Variants in DHX33 observed in about 807,000 individuals in gnomAD.
DHX33 encodes the protein DEAH-box helicase 33, also known as ATP-dependent RNA helicase DHX33.
DHX33 carries 42 observed loss-of-function variants against 72.5 expected under a neutral mutation model. The ratio of observed to expected loss-of-function variants is 0.58; its 90% confidence interval spans 0.45 to 0.75. The LOEUF (loss-of-function observed/expected upper bound fraction) is 0.75, where lower values mean the gene tolerates loss of function less well. Ranked by LOEUF, DHX33 falls within the 30% of genes least tolerant of loss-of-function variation. The pLI, the probability that DHX33 is intolerant of heterozygous loss-of-function variation, is 0.00. For missense variants in DHX33, 842 were observed against 917.5 expected (o/e 0.92, Z 1.06); for synonymous variants, 358 against 366.1 (o/e 0.98, Z 0.25).
chr17:5,458,654 A>G lies in DHX33; in HGVS notation c.849+2285T>C, dbSNP rs566745554. Among the ~76,000 whole-genome samples, 28 of 152,300 alleles carry G rather than the reference A, an allele frequency of 1.8e-4. No homozygotes were observed. In the East Asian group the frequency reaches 1.9e-3, roughly 11 times the overall value. On this transcript the variant is annotated intron_variant, in intron 4 of 11. Coordinates refer to ENST00000225296, the MANE Select transcript of DHX33 (RefSeq NM_020162.4). ...GAGATAAAGGGGGTTGGGGAGGGGC[A>G]TTCTAAACTTTTGTCACCATGGTAA...
At position 5,468,806 on chromosome 17, in the gene DHX33, T is replaced by C; in HGVS notation, c.54A>G (p.Gly18=). The C allele has an allele frequency of 6.3e-7, 1 of 1,592,664 alleles. No homozygotes were observed. Residue 18 remains glycine, a synonymous_variant, in exon 1 of 12, where the codon GGA becomes GGG. Transcript: ENST00000225296. ...PPAKRFRPGS[G]PPSRAGSFPP... is the part of the protein sequence containing the mutation. ...GGAAGGACCCAGCGCGGCTCGGAGG[T>C]CCAGAGCCTGGCCGGAATCTCTTGG...
chr17:5,462,556 G>A lies in DHX33; in HGVS notation c.451-10C>T. ...GCACTGTATAGCCAACCTGTGCAGG[G>A]AAACAATTTATTCAGTCACCAAACA... On this transcript the variant is annotated splice_polypyrimidine_tract_variant and intron_variant, in intron 2 of 11. Transcript: ENST00000225296. 1 of 1,604,774 alleles carries A rather than the reference G, an allele frequency of 6.2e-7. No individual in the cohort carries two copies. The highest frequency in any genetic ancestry group is 8.5e-7 in the Non-Finnish European group (1 of 1,172,150).
chr17:5,455,070 A>G lies in DHX33; in HGVS notation c.1147+90T>C, dbSNP rs1232293193. 4 of 1,200,722 alleles carry G rather than the reference A, an allele frequency of 3.3e-6. No individual in the cohort carries two copies. In the Admixed American group the frequency reaches 5.5e-5, roughly 16 times the overall value. 74.4% of individuals were successfully genotyped at this position (1,200,722 alleles called of 1,614,324 possible). A position where few individuals can be genotyped will look rare whatever the true frequency, so the allele number is the denominator to read the frequency against. On this transcript the variant is annotated intron_variant, in intron 6 of 11. Transcript: ENST00000225296. Reference sequence around the variant, plus strand: ...CCACCTGAATTTGTTAGTTACAAACATGAAACACTCAGGGGAAAACTGTGG... The same window carrying G: ...CCACCTGAATTTGTTAGTTACAAACGTGAAACACTCAGGGGAAAACTGTGG...
intron 2 of DHX33, 71 bp from the exon 3 acceptor site, chr17:5,462,617 G>A (rs1904693228): frequency 1.7e-6 from 2 of 1,156,118 alleles, no homozygotes; most frequent in South Asian, 2.6e-5. Context: ...CACTAAGTTG[G>A]GCACTTGCAC....
chr17:5,450,802 T>C lies in DHX33; in HGVS notation c.1524+5A>G. The C allele has an allele frequency of 6.2e-7, 1 of 1,614,190 alleles. No homozygotes were observed. The highest frequency in any genetic ancestry group is 2.2e-5 in the East Asian group (1 of 44,878). On this transcript the variant is annotated splice_donor_5th_base_variant and intron_variant, in intron 9 of 11. Transcript: ENST00000225296. ...AAAGAGGACTGAGGAGAGGGTATCATTTACTTTGGCAAATTTGGGTTCTAA... is the reference window on the plus strand; with the variant it reads ...AAAGAGGACTGAGGAGAGGGTATCACTTACTTTGGCAAATTTGGGTTCTAA...
At chr17:5,457,136 G>C (rs926240683) in intron 4 of DHX33, among the ~76,000 whole-genome samples, 2 of 152,072 alleles carry the variant, frequency 1.3e-5, no homozygotes, top group Non-Finnish European at 2.9e-5. Context: ...GTGAAACCCT[G>C]TCTCTACTAA....
At chr17:5,455,039 C>T (rs989115600) in intron 6 of DHX33, 121 bp downstream of exon 6, 9 of 870,698 alleles carry the variant, frequency 1.0e-5, no homozygotes, top group Admixed American at 2.0e-5. Flanking sequence ...TCACTCATGG[C>T]GCCTGCCACC....
chr17:5,448,946 G>A (rs758675415), intron 10 of DHX33, 51 bp from the exon 11 acceptor site: 1 of 1,454,490 alleles, frequency 6.9e-7, no homozygotes, highest in Non-Finnish European at 9.6e-7. Flanking sequence ...CCATTTATAT[G>A]TTCACAGAGA....
chr17:5,451,667 T>C (rs1916919960), intron 8 of DHX33, among the ~76,000 whole-genome samples: 1 of 152,156 alleles, frequency 6.6e-6, no homozygotes, highest in Non-Finnish European at 1.5e-5. Context: ...TTTTAAACTT[T>C]GAACCATGTA....
intron 4 of DHX33, among the ~76,000 whole-genome samples, chr17:5,460,101 GC>G (rs998827178): frequency 4.8e-4 from 72 of 149,330 alleles, no homozygotes; most frequent in African/African-American, 1.8e-3. Context: ...TGCAAGCTCT[GC>G]CACCTGGGTT....
rs780800766 is a variant in DHX33 at position 5,444,316 on chromosome 17, C to T, written c.2013G>A (p.Leu671=). The change falls in exon 12 of 12, where the codon CTG becomes CTA. Residue 671 remains leucine (L), a synonymous_variant. Coordinates refer to ENST00000225296, the MANE Select transcript of DHX33 (RefSeq NM_020162.4). The surrounding 1 kb of genome is among the most constrained non-coding windows in gnomAD (Gnocchi z 4.9). ...GCATGTAGCACTTGTTGGTGTAGAG[C>T]AGCTCAGTGTACACGACGCAGGCCG... ...CKPACVVYTE[L]LYTNKCYMRD... is the part of the protein sequence containing the mutation. 10 of 1,614,018 alleles carry T rather than the reference C, an allele frequency of 6.2e-6. No homozygotes were observed. In the Admixed American group the frequency reaches 1.0e-4, roughly 16 times the overall value.
chr17:5,466,853 C>A (rs989054583), intron 1 of DHX33, among the ~76,000 whole-genome samples: 1 of 152,164 alleles, frequency 6.6e-6, no homozygotes, highest in Non-Finnish European at 1.5e-5. Flanking sequence ...GTAAAGGTTG[C>A]TAAAAGTTAA....
At chr17:5,450,987 C>T (rs1916881464) in intron 8 of DHX33, 53 bp from the exon 9 acceptor site, 1 of 1,593,748 alleles carries the variant, frequency 6.3e-7, no homozygotes. Flanking sequence ...AATGAAGTTG[C>T]AGCTAGTTCA....
chr17:5,461,279 C>A, intron 3 of DHX33, 170 bp from the exon 4 acceptor site: 1 of 514,318 alleles, frequency 1.9e-6, no homozygotes, highest in Non-Finnish European at 3.2e-6. Context: ...TGCTAGAGCA[C>A]ACAGGTCTGT....
chr17:5,448,854 C>T lies in DHX33; in HGVS notation c.1770G>A (p.Thr590=), dbSNP rs778949646. 19 of 1,613,106 alleles carry T rather than the reference C, an allele frequency of 1.2e-5. No homozygotes were observed. Among genetic ancestry groups the T allele is most frequent in the Middle Eastern group, 1.6e-4 (1 of 6,076 alleles). Residue 590 remains threonine (T), a synonymous_variant, in exon 11 of 12, where the codon ACG becomes ACA. Transcript: ENST00000225296. ...GCTGTGCTCTGACTTCTGCTACCAG[C>T]GTCATATTCTTGCTGTTGACAAAAT... ...KENFVNSKNM[T]LVAEVRAQLR...
Position 5,441,119 on chromosome 17 carries a change from C to A in DHX33, c.*3086G>T, listed in dbSNP as rs1292301531. 1 of 146,466 alleles carries A rather than the reference C, an allele frequency of 6.8e-6. No homozygotes were observed. The highest frequency in any genetic ancestry group is 2.5e-5 in the African/African-American group (1 of 39,280). The allele number at this position is 146,466 out of a possible 1,614,324, so 9.1% of individuals were successfully genotyped here. ...ATGCATGGCCTACTATCACACTGGT[C>A]TTTAAAGAAAAAAAAAAATGCATGG... On this transcript the variant is annotated 3_prime_UTR_variant, in exon 12 of 12. Transcript: ENST00000225296.
At chr17:5,451,939 A>T (rs1214705772) in intron 8 of DHX33, among the ~76,000 whole-genome samples, 1 of 152,240 alleles carries the variant, frequency 6.6e-6, no homozygotes, top group Non-Finnish European at 1.5e-5. Flanking sequence ...CTTACTCAAG[A>T]ATAACTAACA....
Position 5,461,046 on chromosome 17 carries a change from C to A in DHX33, c.742G>T (p.Val248Phe). ...TGCTGCCGACCCTCTAGGTAGAGGA[C>A]GGGGGCGCCATTGAAATACTGAGAG... ...LFSQYFNGAP[V>F]LYLEGRQHPI... Residue 248 changes from valine to phenylalanine, a missense_variant, in exon 4 of 12, where the codon GTC (valine) becomes TTC (phenylalanine). Coordinates refer to ENST00000225296, the MANE Select transcript of DHX33 (RefSeq NM_020162.4). 2 of 1,612,012 alleles carry A rather than the reference C, an allele frequency of 1.2e-6. No individual in the cohort carries two copies. The highest frequency in any genetic ancestry group is 1.7e-6 in the Non-Finnish European group (2 of 1,178,924).
rs552721609 is a variant in DHX33 at position 5,447,158 on chromosome 17, G to C, written c.1815+1651C>G. Among the ~76,000 whole-genome samples, 3 of 152,352 alleles carry C rather than the reference G, an allele frequency of 2.0e-5. No homozygotes were observed. In the South Asian group the frequency reaches 6.2e-4, roughly 32 times the overall value. Reference sequence around the variant, plus strand: ...ACATAAAATGTGGAGTGTCATGCGAGCATTAAATATACCATGACAGCTCTT... The same window carrying C: ...ACATAAAATGTGGAGTGTCATGCGACCATTAAATATACCATGACAGCTCTT... On this transcript the variant is annotated intron_variant, in intron 11 of 11. Coordinates refer to ENST00000225296, the MANE Select transcript of DHX33 (RefSeq NM_020162.4).
Sources: allele counts gnomAD v4.1 joint callset (sites outside exome capture counted in the v4.1 genomes callset), GRCh38; gene constraint gnomAD v4.1.1; non-coding constraint Gnocchi (gnomAD v3.1); transcripts MANE v1.5; gene names NCBI Gene and HGNC (gene_info 2026-07-23, HGNC 2026-07-21).